PLA2G4A: variants seen among roughly 807,000 people sequenced by gnomAD.
The protein encoded by PLA2G4A is phospholipase A2 group IVA, also known as cytosolic phospholipase A2.
Under a neutral mutation model 81.9 loss-of-function variants are expected in PLA2G4A, and 40 were observed. The observed-to-expected ratio is 0.49, with a 90% CI of 0.38 to 0.64. The LOEUF (loss-of-function observed/expected upper bound fraction) is 0.64, where lower values mean the gene tolerates loss of function less well. Ranked by LOEUF, PLA2G4A falls within the 30% of genes least tolerant of loss-of-function variation. PLA2G4A has a pLI of 0.00. For synonymous variants in PLA2G4A, 302 were observed against 296.9 expected (o/e 1.02, Z -0.18); for missense variants, 715 against 905.1 (o/e 0.79, Z 2.69).
At chr1:186,901,089 G>A (rs1654521169) in intron 5 of PLA2G4A, among the ~76,000 whole-genome samples, 2 of 152,094 alleles carry the variant, frequency 1.3e-5, no homozygotes, top group South Asian at 2.1e-4. Flanking sequence ...AAACAAAGAG[G>A]GCAATTTACG....
chr1:186,835,386 T>A (rs936594641), intron 1 of PLA2G4A, among the ~76,000 whole-genome samples: 2 of 152,228 alleles, frequency 1.3e-5, no homozygotes, highest in African/African-American at 4.8e-5. Context: ...TTTTAAAACA[T>A]ATATTTGATG....
At chr1:186,873,436 A>T (rs1472756926) in intron 3 of PLA2G4A, among the ~76,000 whole-genome samples, 1 of 152,104 alleles carries the variant, frequency 6.6e-6, no homozygotes, top group Non-Finnish European at 1.5e-5. Flanking sequence ...TGTTGTTGAT[A>T]GTGTCTGCAC....
intron 10 of PLA2G4A, among the ~76,000 whole-genome samples, chr1:186,944,812 G>A (rs1262313134): frequency 6.6e-6 from 1 of 152,110 alleles, no homozygotes; most frequent in Non-Finnish European, 1.5e-5. Context: ...ACCCCATTGG[G>A]TTCTTATAAT....
At position 186,923,657 on chromosome 1, in the gene PLA2G4A, T is replaced by C. The variant is rs548658502; in HGVS notation, c.559-9106T>C. ...CAAGAGGATGACTCACCCTCTGCAG[T>C]AGAGATGATAGAAATTTCTTTTAGA... On this transcript the variant is annotated intron_variant, in intron 7 of 17. Transcript: ENST00000367466. Among the ~76,000 whole-genome samples the C allele has an allele frequency of 7.9e-5, 12 of 152,288 alleles. No individual in the cohort carries two copies. The East Asian group carries it at 1.2e-3, about 15-fold the overall frequency.
chr1:186,895,580 T>G (rs1026425743), intron 5 of PLA2G4A, among the ~76,000 whole-genome samples: 2 of 151,734 alleles, frequency 1.3e-5, no homozygotes, highest in Admixed American at 6.6e-5. Flanking sequence ...GGGAAGGAGG[T>G]GAGTAAAGGT....
intron 13 of PLA2G4A, among the ~76,000 whole-genome samples, chr1:186,953,235 A>C (rs1656625744): frequency 6.6e-6 from 1 of 152,170 alleles, no homozygotes; most frequent in Non-Finnish European, 1.5e-5. Flanking sequence ...ATTTGGTATT[A>C]CCTGTGCTTT....
At chr1:186,861,895 T>C (rs1320195408) in intron 2 of PLA2G4A, among the ~76,000 whole-genome samples, 1 of 151,974 alleles carries the variant, frequency 6.6e-6, no homozygotes, top group Non-Finnish European at 1.5e-5. Context: ...TTGAAGGCTG[T>C]GTGCTCAGAG....
At chr1:186,874,008 G>C (rs1001617723) in intron 3 of PLA2G4A, among the ~76,000 whole-genome samples, 1 of 151,982 alleles carries the variant, frequency 6.6e-6, no homozygotes, top group African/African-American at 2.4e-5. Context: ...CAAAATCATC[G>C]CTCTATTTTT....
chr1:186,909,266 G>T (rs1288516764), intron 6 of PLA2G4A, among the ~76,000 whole-genome samples: 2 of 150,698 alleles, frequency 1.3e-5, no homozygotes, highest in Admixed American at 1.3e-4. Context: ...GAGCCACCGC[G>T]CCCGGCCTTT....
At chr1:186,940,135 G>A (rs1212251253) in intron 10 of PLA2G4A, 41 bp downstream of exon 10, 1 of 1,056,800 alleles carries the variant, frequency 9.5e-7, no homozygotes, top group African/African-American at 1.6e-5. Context: ...TGGAACCTCT[G>A]AATTGCAGTT....
At chr1:186,983,918 G>C (rs1657810112) in intron 17 of PLA2G4A, among the ~76,000 whole-genome samples, 1 of 152,122 alleles carries the variant, frequency 6.6e-6, no homozygotes, top group Non-Finnish European at 1.5e-5. Context: ...TATCATGTAG[G>C]ATCAGGATGG....
In PLA2G4A at chr1:186,988,581, G is replaced by A. The variant is rs372292212; in HGVS notation, c.*73G>A. On this transcript the variant is annotated 3_prime_UTR_variant, in exon 18 of 18. Transcript: ENST00000367466. ...AATCCCATGACAACTGGATTTAAAA[G>A]TACAGTACAGATAGTCGTACTGATC... is the stretch of plus-strand genomic sequence containing the variant. 131 of 1,319,694 alleles carry A rather than the reference G, an allele frequency of 9.9e-5. 1 individual carries two copies. In the South Asian group the frequency reaches 1.5e-3, roughly 15 times the overall value. 81.7% of individuals were successfully genotyped at this position (1,319,694 alleles called of 1,614,324 possible).
intron 13 of PLA2G4A, 97 bp from the exon 14 acceptor site, chr1:186,956,005 G>A: frequency 9.4e-7 from 1 of 1,068,004 alleles, no homozygotes; most frequent in South Asian, 1.3e-5. Flanking sequence ...CTCCCAAAGT[G>A]CTAGGATTAC....
intron 7 of PLA2G4A, among the ~76,000 whole-genome samples, chr1:186,917,710 G>T (rs1213834595): frequency 6.6e-6 from 1 of 152,100 alleles, no homozygotes; most frequent in African/African-American, 2.4e-5. Context: ...AGTTCGTGTT[G>T]GATAAGCCTC....
intron 15 of PLA2G4A, 69 bp downstream of exon 15, chr1:186,965,662 C>A: frequency 9.6e-7 from 1 of 1,041,784 alleles, no homozygotes; most frequent in Non-Finnish European, 1.5e-6. Context: ...ATCTCTTAGT[C>A]CCTTTGACTC....
chr1:186,935,771 T>G (rs1000580978), intron 8 of PLA2G4A, among the ~76,000 whole-genome samples: 3 of 151,982 alleles, frequency 2.0e-5, no homozygotes, highest in Admixed American at 6.6e-5. Context: ...TTGTGTAACC[T>G]TTTATATTCT....
At chr1:186,930,048 A>G (rs10157338) in intron 7 of PLA2G4A, among the ~76,000 whole-genome samples, 46,379 of 151,962 alleles carry the variant, frequency 0.31, 9,609 homozygotes, top group African/African-American at 0.58. Context: ...CTCCAACCTG[A>G]GTGACAGAGA....
intron 3 of PLA2G4A, among the ~76,000 whole-genome samples, chr1:186,877,131 G>A (rs1653529905): frequency 6.6e-6 from 1 of 152,024 alleles, no homozygotes; most frequent in African/African-American, 2.4e-5. Flanking sequence ...TAAATGATCT[G>A]TTTGGTAGCT....
At chr1:186,838,357 CA>C (rs1019873343) in intron 1 of PLA2G4A, among the ~76,000 whole-genome samples, 3 of 151,804 alleles carry the variant, frequency 2.0e-5, no homozygotes, top group African/African-American at 7.3e-5. Flanking sequence ...GTGCACTAAG[CA>C]AAACAAAATA....
Sources: allele counts gnomAD v4.1 joint callset (sites outside exome capture counted in the v4.1 genomes callset), GRCh38; gene constraint gnomAD v4.1.1; transcripts MANE v1.5; gene names NCBI Gene and HGNC (gene_info 2026-07-23, HGNC 2026-07-21).